Variants in HECW1 observed in about 807,000 individuals in gnomAD.
HECW1 encodes HECT, C2 and WW domain containing E3 ubiquitin protein ligase 1.
Under a neutral mutation model 182.3 loss-of-function variants are expected in HECW1, and 61 were observed. The observed-to-expected ratio is 0.33, with a 90% CI of 0.27 to 0.41. The LOEUF (loss-of-function observed/expected upper bound fraction) is 0.41, where lower values mean the gene tolerates loss of function less well. Ranked by LOEUF, HECW1 falls within the 10% of genes least tolerant of loss-of-function variation. The pLI is 1.00. For synonymous variants in HECW1, 859 were observed against 832.6 expected (o/e 1.03, Z -0.55); for missense variants, 1,739 against 2,108.9 (o/e 0.82, Z 3.44).
rs560194436 is a variant in HECW1, at chr7:43,272,204, A to G, written c.27+28272A>G. Among the ~76,000 whole-genome samples, 3 of 152,284 alleles carry G rather than the reference A, an allele frequency of 2.0e-5. 1 individual carries two copies. In the South Asian group the frequency reaches 6.2e-4, roughly 32 times the overall value. ...TGCAAAAATTAACTCAAGATGGATTAAAGATTTAAATTCTCAAACTATAAG... is the reference window on the plus strand; with the variant it reads ...TGCAAAAATTAACTCAAGATGGATTGAAGATTTAAATTCTCAAACTATAAG... On this transcript the variant is annotated intron_variant, in intron 3 of 29. Transcript: ENST00000395891.
chr7:43,427,601 A>G (rs2076402002), intron 8 of HECW1, among the ~76,000 whole-genome samples: 1 of 152,230 alleles, frequency 6.6e-6, no homozygotes, highest in Non-Finnish European at 1.5e-5. Context: ...AAATTTAGCA[A>G]CTTACAAGAG....
chr7:43,304,555 A>G (rs1029033357), intron 3 of HECW1, among the ~76,000 whole-genome samples: 2 of 151,706 alleles, frequency 1.3e-5, no homozygotes, highest in South Asian at 2.1e-4. Flanking sequence ...CAGTGGCGCA[A>G]TCTTAGCTCA....
intron 2 of HECW1, among the ~76,000 whole-genome samples, chr7:43,165,458 C>A (rs1478628678): frequency 1.3e-5 from 2 of 151,998 alleles, no homozygotes; most frequent in Non-Finnish European, 2.9e-5. Flanking sequence ...ACAACAGCCT[C>A]TAATGACATC....
intron 3 of HECW1, among the ~76,000 whole-genome samples, chr7:43,281,686 T>A (rs1017920955): frequency 2.0e-5 from 3 of 151,776 alleles, no homozygotes; most frequent in Admixed American, 6.6e-5. Flanking sequence ...TCCTCCTCTT[T>A]CTTTTTCTGT....
At chr7:43,251,038 C>T (rs1799971555) in intron 3 of HECW1, among the ~76,000 whole-genome samples, 1 of 152,196 alleles carries the variant, frequency 6.6e-6, no homozygotes, top group African/African-American at 2.4e-5. Flanking sequence ...GGCAGCAATG[C>T]TTCTGGTGTC....
intron 5 of HECW1, among the ~76,000 whole-genome samples, chr7:43,344,898 G>A (rs1018394624): frequency 6.6e-6 from 1 of 152,124 alleles, no homozygotes; most frequent in African/African-American, 2.4e-5. Context: ...TTCTTTGCTA[G>A]TAGTTTCAAT....
At chr7:43,414,031 T>C (rs1381198623) in intron 8 of HECW1, among the ~76,000 whole-genome samples, 1 of 151,476 alleles carries the variant, frequency 6.6e-6, no homozygotes, top group Admixed American at 6.6e-5. Context: ...ATTGAATCTG[T>C]AAATTACCCT....
chr7:43,292,445 T>A (rs1805510148), intron 3 of HECW1, among the ~76,000 whole-genome samples: 2 of 152,062 alleles, frequency 1.3e-5, no homozygotes, highest in South Asian at 4.1e-4. Flanking sequence ...AGGGCAAAGG[T>A]GTAGTTATAA....
At chr7:43,434,013 G>C (rs991466721) in intron 8 of HECW1, among the ~76,000 whole-genome samples, 5 of 152,094 alleles carry the variant, frequency 3.3e-5, no homozygotes, top group African/African-American at 4.8e-5. Context: ...AACCAGCAGA[G>C]GGCTTAGGCA....
At chr7:43,359,393 A>G (rs1038004008) in intron 5 of HECW1, among the ~76,000 whole-genome samples, 1 of 152,204 alleles carries the variant, frequency 6.6e-6, no homozygotes, top group Non-Finnish European at 1.5e-5. Context: ...TTTTTGCTCC[A>G]TTGTCCTAGG....
rs531419240 is a variant in HECW1, at chr7:43,213,093, G to A, written c.-31-30782G>A. Reference sequence around the variant, plus strand: ...TCATGAGTTAATCTATGTATTTCTCGGTGAAAGAATAGCAGGTGTAATTCT... The same window carrying A: ...TCATGAGTTAATCTATGTATTTCTCAGTGAAAGAATAGCAGGTGTAATTCT... On this transcript the variant is annotated intron_variant, in intron 2 of 29. Transcript: ENST00000395891. Among the ~76,000 whole-genome samples the A allele has an allele frequency of 1.1e-4, 17 of 151,648 alleles. No individual in the cohort carries two copies. The East Asian group carries it at 1.4e-3, about 12-fold the overall frequency.
At chr7:43,327,007 T>G (rs1212024788) in intron 5 of HECW1, among the ~76,000 whole-genome samples, 1 of 152,230 alleles carries the variant, frequency 6.6e-6, no homozygotes, top group African/African-American at 2.4e-5. Flanking sequence ...AACTTGGGCA[T>G]GTTTTCACCA....
chr7:43,172,230 G>T (rs1350315972), intron 2 of HECW1, among the ~76,000 whole-genome samples: 1 of 151,954 alleles, frequency 6.6e-6, no homozygotes, highest in African/African-American at 2.4e-5. Context: ...GGAGGTGGAG[G>T]TTGCAGTGAG....
intron 5 of HECW1, among the ~76,000 whole-genome samples, chr7:43,332,025 C>T (rs779336299): frequency 4.6e-5 from 7 of 152,034 alleles, no homozygotes; most frequent in South Asian, 2.1e-4. Context: ...GTGTGGGTGA[C>T]GCAGGTGGCA....
intron 5 of HECW1, among the ~76,000 whole-genome samples, chr7:43,351,662 G>GT (rs1317522653): frequency 7.2e-6 from 1 of 139,266 alleles, no homozygotes. Context: ...TTTGTCAGCT[G>GT]TTTTTTTTCT....
Position 43,438,113 on chromosome 7 carries a change from C to T in HECW1, c.912C>T (p.Pro304=), listed in dbSNP as rs375986974. 26 of 1,613,932 alleles carry T rather than the reference C, an allele frequency of 1.6e-5. No homozygotes were observed. The highest frequency in any genetic ancestry group is 3.3e-5 in the South Asian group (3 of 91,070). ...IKRFLGKLSM[P]VQRLLERHAI... is the part of the protein sequence containing the mutation. ...GCTTCTTGGGAAAGCTGTCGATGCC[C>T]GTTCAAAGACTCCTGGAGAGACACG... Residue 304 remains proline, a synonymous_variant, in exon 9 of 30, where the codon CCC becomes CCT. Coordinates refer to ENST00000395891, the MANE Select transcript of HECW1 (RefSeq NM_015052.5).
intron 2 of HECW1, among the ~76,000 whole-genome samples, chr7:43,220,261 A>G (rs1796829708): frequency 6.6e-6 from 1 of 152,244 alleles, no homozygotes; most frequent in South Asian, 2.1e-4. Context: ...GAGGTCTGGG[A>G]GCACCTAGAA....
chr7:43,389,619 C>CTGTTGTTGT (rs78728195), intron 6 of HECW1, among the ~76,000 whole-genome samples: 6 of 151,414 alleles, frequency 4.0e-5, no homozygotes, highest in Non-Finnish European at 7.4e-5. Context: ...ATTGTTGTTG[C>CTGTTGTTGT]TGTTGTTGTT....
chr7:43,130,748 C>T (rs1262822798), intron 2 of HECW1, among the ~76,000 whole-genome samples: 1 of 152,164 alleles, frequency 6.6e-6, no homozygotes, highest in Non-Finnish European at 1.5e-5. Context: ...TGACTGTGAC[C>T]TGGCACATGA....
Sources: allele counts gnomAD v4.1 joint callset (sites outside exome capture counted in the v4.1 genomes callset), GRCh38; gene constraint gnomAD v4.1.1; transcripts MANE v1.5; gene names NCBI Gene and HGNC (gene_info 2026-07-23, HGNC 2026-07-21).